Variants in PBRM1 observed in about 807,000 individuals in gnomAD.
PBRM1 encodes polybromo 1, also known as protein polybromo-1.
In PBRM1, 27 loss-of-function variants were observed where a neutral mutation model predicts 194.5. That is an observed-to-expected ratio of 0.14 (90% CI 0.10 to 0.19). PBRM1 has a LOEUF of 0.19. Ranked by LOEUF, PBRM1 falls within the 10% of genes least tolerant of loss-of-function variation. PBRM1 has a pLI of 1.00. For synonymous variants in PBRM1, 655 were observed against 693.2 expected, an observed-to-expected ratio of 0.94 and a Z score of 0.87; for missense variants, 1,466 against 2,077.2, an observed-to-expected ratio of 0.71 and a Z score of 5.72.
At chr3:52,643,975 A>C (rs966295750) in intron 8 of PBRM1, among the ~76,000 whole-genome samples, 1 of 152,100 alleles carries the variant, frequency 6.6e-6, no homozygotes, top group Non-Finnish European at 1.5e-5. Context: ...CTGTCTCAAA[A>C]AAAAAAAATC....
intron 24 of PBRM1, among the ~76,000 whole-genome samples, chr3:52,562,258 C>T (rs761795579): frequency 2.7e-5 from 4 of 150,160 alleles, no homozygotes; most frequent in East Asian, 2.0e-4. Context: ...ACCCGGGAGA[C>T]GGAGCTTGCA....
At chr3:52,559,902 T>C (rs1308483080) in intron 25 of PBRM1, among the ~76,000 whole-genome samples, 1 of 149,806 alleles carries the variant, frequency 6.7e-6, no homozygotes, top group Non-Finnish European at 1.5e-5. Flanking sequence ...GTATTTTCAT[T>C]ATACAAGTGA....
intron 11 of PBRM1, among the ~76,000 whole-genome samples, chr3:52,631,383 T>G (rs2095613038): frequency 6.6e-6 from 1 of 152,198 alleles, no homozygotes; most frequent in African/African-American, 2.4e-5. Flanking sequence ...AAACATACTT[T>G]GTTAGCCAGC....
chr3:52,621,522 T>C (rs2095274292), intron 13 of PBRM1, among the ~76,000 whole-genome samples: 1 of 152,230 alleles, frequency 6.6e-6, no homozygotes, highest in Non-Finnish European at 1.5e-5. Flanking sequence ...TTTCTCAATG[T>C]CTTTTCCTCC....
Position 52,561,970 on chromosome 3 carries a change from T to G in PBRM1, c.4087-2A>C. ...GCCTTTGGCAGACTTTGGGGTAGAC[T>G]GTAAGACAGAAAGGTCTTATGGTGC... On this transcript the variant is annotated splice_acceptor_variant, in intron 24 of 29. Coordinates refer to ENST00000296302, the Ensembl canonical transcript of PBRM1. LOFTEE classifies it high-confidence loss of function. 1 of 1,611,936 alleles carries G rather than the reference T, an allele frequency of 6.2e-7. No homozygotes were observed.
intron 22 of PBRM1, among the ~76,000 whole-genome samples, chr3:52,567,790 C>A (rs1338838015): frequency 3.4e-5 from 5 of 148,550 alleles, no homozygotes; most frequent in Non-Finnish European, 5.9e-5. Context: ...TGCCACCATG[C>A]CTGGCTAATT....
intron 2 of PBRM1, among the ~76,000 whole-genome samples, chr3:52,678,155 C>T (rs566751634): frequency 1.3e-4 from 19 of 151,788 alleles, no homozygotes; most frequent in African/African-American, 3.1e-4. Context: ...TTTTAAGAGA[C>T]GGGGTCTCAT....
chr3:52,601,396 A>G (rs1333708628), intron 17 of PBRM1, among the ~76,000 whole-genome samples: 1 of 152,190 alleles, frequency 6.6e-6, no homozygotes, highest in Admixed American at 6.5e-5. Context: ...TCCATCTCAG[A>G]TCATCAGGCA....
chr3:52,569,344 G>A (rs978134201), intron 22 of PBRM1, among the ~76,000 whole-genome samples: 1 of 151,956 alleles, frequency 6.6e-6, no homozygotes, highest in Non-Finnish European at 1.5e-5. Context: ...CCAAGTAGCT[G>A]GGACTACAGG....
intron 2 of PBRM1, among the ~76,000 whole-genome samples, chr3:52,672,167 C>A (rs2096963174): frequency 6.6e-6 from 1 of 152,196 alleles, no homozygotes; most frequent in African/African-American, 2.4e-5. Context: ...CTAGAGCTCA[C>A]CTGCATCCCT....
At chr3:52,684,453 T>C (rs185205046), upstream of PBRM1, among the ~76,000 whole-genome samples, 721 of 152,138 alleles carry the variant, frequency 4.7e-3, 5 homozygotes, top group African/African-American at 0.016. Context: ...TATTTAGCAA[T>C]ACAATACATG....
At position 52,609,297 on chromosome 3, in the gene PBRM1, G is replaced by A; in HGVS notation, c.2567+16C>T. 6.3e-7 allele frequency: 1 copy of A among 1,587,176 alleles called. No individual in the cohort carries two copies. Among genetic ancestry groups the A allele is most frequent in the Non-Finnish European group, 8.6e-7 (1 of 1,161,706 alleles). On this transcript the variant is annotated intron_variant, in intron 16 of 29. Coordinates refer to ENST00000296302, the Ensembl canonical transcript of PBRM1. The surrounding 1 kb of genome is among the most constrained non-coding windows in gnomAD (Gnocchi z 4.1). ...TAGCACATATCCTCAAAATAAAAAT[G>A]GCTTTGAAAACATACCGATTCATCC...
At chr3:52,596,656 G>A (rs986817974) in intron 17 of PBRM1, among the ~76,000 whole-genome samples, 2 of 151,918 alleles carry the variant, frequency 1.3e-5, no homozygotes, top group Non-Finnish European at 2.9e-5. Flanking sequence ...CTAGGGCCTG[G>A]AATGGGTGCC....
intron 17 of PBRM1, among the ~76,000 whole-genome samples, chr3:52,593,408 T>C (rs1488105988): frequency 1.3e-5 from 2 of 152,230 alleles, no homozygotes; most frequent in Non-Finnish European, 2.9e-5. Context: ...AGCTAAATTT[T>C]GCATTTTTAG....
rs761073489 is a variant in PBRM1 at position 52,550,826 on chromosome 3, C to G, written c.4610-9G>C. On this transcript the variant is annotated splice_polypyrimidine_tract_variant and intron_variant, in intron 27 of 29. Coordinates refer to ENST00000296302, the Ensembl canonical transcript of PBRM1. ...TCCTTGGTTCATCACACCTATAATT[C>G]AGAATGCAATGGCACAGTTAGAGGC... 1.1e-5 allele frequency: 17 copies of G among 1,590,162 alleles called. No homozygotes were observed. Among genetic ancestry groups the G allele is most frequent in the Non-Finnish European group, 1.5e-5 (17 of 1,158,836 alleles).
At chr3:52,636,028 C>T (rs13098776) in intron 10 of PBRM1, among the ~76,000 whole-genome samples, 69,062 of 150,784 alleles carry the variant, frequency 0.46, 16,075 homozygotes, top group Admixed American at 0.52. Context: ...CACGCCTGGC[C>T]AATTTGGTTT....
intron 22 of PBRM1, among the ~76,000 whole-genome samples, chr3:52,575,076 A>T (rs894755258): frequency 6.6e-6 from 1 of 151,692 alleles, no homozygotes; most frequent in African/African-American, 2.4e-5. Flanking sequence ...TAATTTCTGT[A>T]TTTTTTTGTA....
intron 1 of PBRM1, 98 bp downstream of exon 2, chr3:52,679,476 A>C: frequency 9.4e-7 from 1 of 1,062,636 alleles, no homozygotes; most frequent in East Asian, 2.4e-5. Context: ...ATCTTAAAAA[A>C]GTGGAGATGC....
At chr3:52,589,094 C>G (rs2092755245) in exon 18 of PBRM1, 3 of 1,613,728 alleles carry the variant, frequency 1.9e-6, no homozygotes, top group Non-Finnish European at 2.5e-6. Flanking sequence ...CACAGTCTTT[C>G]AATACAGACG....
Sources: gnomAD v4.1 joint callset for allele counts (sites outside exome capture counted in the v4.1 genomes callset) on GRCh38, gnomAD v4.1.1 for gene constraint, Gnocchi (gnomAD v3.1) non-coding constraint, MANE v1.5 for transcripts, NCBI Gene and HGNC (gene_info 2026-07-23, HGNC 2026-07-21) for gene names.